SPATA22: variants seen among roughly 807,000 people sequenced by gnomAD.
The protein encoded by SPATA22 is spermatogenesis associated 22, also known as spermatogenesis-associated protein 22.
Under a neutral mutation model 47.8 loss-of-function variants are expected in SPATA22, and 29 were observed. The ratio of observed to expected loss-of-function variants is 0.61; its 90% confidence interval spans 0.45 to 0.83. SPATA22 has a LOEUF of 0.83. Among genes scored for constraint, SPATA22 ranks in the 40% least tolerant of loss-of-function variants. SPATA22 has a pLI of 0.00. For missense variants in SPATA22, 410 were observed against 421.7 expected (o/e 0.97, Z 0.24); for synonymous variants, 133 against 140.9 (o/e 0.94, Z 0.40).
intron 1 of SPATA22, chr17:3,502,277 A>C (rs1055547446): frequency 3.3e-5 from 5 of 152,246 alleles, no homozygotes; most frequent in African/African-American, 1.2e-4. Flanking sequence ...CACATTTAAC[A>C]TACTACATAT....
At chr17:3,507,831 G>C (rs996872576) in intron 1 of SPATA22, among the ~76,000 whole-genome samples, 4 of 152,144 alleles carry the variant, frequency 2.6e-5, no homozygotes, top group African/African-American at 9.7e-5. Flanking sequence ...AGAGTATCAA[G>C]AACCATAAAA....
chr17:3,460,855 CAACTGAGATGTCTT>C (rs1183321466), intron 5 of SPATA22, among the ~76,000 whole-genome samples: 1 of 150,428 alleles, frequency 6.6e-6, no homozygotes, highest in Non-Finnish European at 1.5e-5. Context: ...CTCAACTCCT[CAACTGAGATGTCTT>C]AACTACTAAA....
In SPATA22 at chr17:3,513,684, A is replaced by AG. The variant is rs2074143127; in HGVS notation, c.-347dup. On this transcript the variant is annotated 5_prime_UTR_variant, in exon 1 of 9. Transcript: ENST00000541913. Reference sequence around the variant, plus strand: ...CAGGCTCCAGACTGCTGCTGGCTGTAGGTTTACACCAGCTGTTTGCCAAGT... The same window carrying AG: ...CAGGCTCCAGACTGCTGCTGGCTGTAGGGTTTACACCAGCTGTTTGCCAAGT... 6.7e-6 allele frequency: 3 copies of AG among 448,234 alleles called. No individual in the cohort carries two copies. In the South Asian group the frequency reaches 1.5e-4, roughly 22 times the overall value. 27.8% of individuals were successfully genotyped at this position (448,234 alleles called of 1,614,324 possible).
At chr17:3,503,391 T>G (rs2074012395) in intron 1 of SPATA22, 1 of 152,204 alleles carries the variant, frequency 6.6e-6, no homozygotes, top group Admixed American at 6.5e-5. Context: ...TGGAATAAAC[T>G]CTCTTCCTTC....
chr17:3,482,255 G>C (rs1261641273), intron 1 of SPATA22, among the ~76,000 whole-genome samples: 1 of 152,122 alleles, frequency 6.6e-6, no homozygotes, highest in Non-Finnish European at 1.5e-5. Flanking sequence ...CTTTAACGTA[G>C]ACTAAAGCCC....
chr17:3,480,891 T>C (rs959947331), intron 1 of SPATA22, among the ~76,000 whole-genome samples: 1 of 152,206 alleles, frequency 6.6e-6, no homozygotes, highest in Non-Finnish European at 1.5e-5. Context: ...GTCTCAGTTA[T>C]AATTTTTGCA....
intron 1 of SPATA22, chr17:3,494,554 C>A: frequency 2.0e-6 from 2 of 991,968 alleles, no homozygotes; most frequent in Non-Finnish European, 1.6e-6. Flanking sequence ...GTACATTCGC[C>A]CATTTGATGC....
At chr17:3,469,199 A>C in intron 2 of SPATA22, 84 bp downstream of exon 2, 1 of 651,002 alleles carries the variant, frequency 1.5e-6, no homozygotes, top group Non-Finnish European at 2.5e-6. Context: ...ATCTATTTTA[A>C]ATTTATTTCC....
intron 1 of SPATA22, among the ~76,000 whole-genome samples, chr17:3,487,688 T>G (rs2073750257): frequency 6.6e-6 from 1 of 152,192 alleles, no homozygotes; most frequent in Non-Finnish European, 1.5e-5. Flanking sequence ...TAAAGATTCC[T>G]TCATTCTTAA....
At chr17:3,463,348 A>G (rs2073174124) in intron 3 of SPATA22, among the ~76,000 whole-genome samples, 1 of 152,318 alleles carries the variant, frequency 6.6e-6, no homozygotes, top group South Asian at 2.1e-4. Flanking sequence ...CACCTAGGCT[A>G]TATGTTACAG....
At position 3,462,709 on chromosome 17, in the gene SPATA22, G is replaced by T; in HGVS notation, c.231C>A (p.Thr77=). 1 of 1,611,376 alleles carries T rather than the reference G, an allele frequency of 6.2e-7. No homozygotes were observed. Among genetic ancestry groups the T allele is most frequent in the Non-Finnish European group, 8.5e-7 (1 of 1,177,536 alleles). ...ATGGTTTATATTTCTCCACATACCCGGTGTCCACTGTTTTCATTACAGGAG... is the reference window on the plus strand; with the variant it reads ...ATGGTTTATATTTCTCCACATACCCTGTGTCCACTGTTTTCATTACAGGAG... ...ELAPVMKTVD[T]GQIPHSVSRP... The change falls in exon 4 of 9, where the codon ACC becomes ACA. Residue 77 remains threonine, a splice_region_variant and synonymous_variant. Coordinates refer to ENST00000572969, the MANE Select transcript of SPATA22 (RefSeq NM_001170698.2).
chr17:3,504,447 C>T (rs1165812294), intron 1 of SPATA22, among the ~76,000 whole-genome samples: 1 of 151,388 alleles, frequency 6.6e-6, no homozygotes, highest in Non-Finnish European at 1.5e-5. Flanking sequence ...TGAAACACTT[C>T]GTTTTACACC....
chr17:3,470,761 GA>G (rs11339644), intron 1 of SPATA22, among the ~76,000 whole-genome samples: 49,766 of 140,246 alleles, frequency 0.35, 10,475 homozygotes, highest in Non-Finnish European at 0.5. Flanking sequence ...AAAAAAAAAA[GA>G]AAAAAAAACA....
At chr17:3,512,645 G>C (rs2074128477) in intron 1 of SPATA22, 1 of 151,984 alleles carries the variant, frequency 6.6e-6, no homozygotes, top group African/African-American at 2.4e-5. Flanking sequence ...TTCGGCCCCA[G>C]TCACCTGGAA....
At chr17:3,497,375 TAAA>T (rs2073927022) in intron 1 of SPATA22, among the ~76,000 whole-genome samples, 1 of 152,074 alleles carries the variant, frequency 6.6e-6, no homozygotes, top group Non-Finnish European at 1.5e-5. Flanking sequence ...CAGTGAACTA[TAAA>T]TGGGTAGCAT....
chr17:3,498,806 A>G, intron 1 of SPATA22: 1 of 1,255,410 alleles, frequency 8.0e-7, no homozygotes, highest in South Asian at 1.9e-5. Flanking sequence ...GAATACTGTA[A>G]TTTGTTAGTT....
intron 3 of SPATA22, among the ~76,000 whole-genome samples, chr17:3,463,987 G>A (rs1275176613): frequency 8.4e-5 from 5 of 59,666 alleles, no homozygotes; most frequent in Non-Finnish European, 1.9e-4. Context: ...CTCTCCCCAC[G>A]GTCTCCCTCT....
At chr17:3,505,994 G>A (rs1045483461) in intron 1 of SPATA22, among the ~76,000 whole-genome samples, 10 of 152,114 alleles carry the variant, frequency 6.6e-5, no homozygotes, top group Non-Finnish European at 1.5e-4. Context: ...CTGACCTCAG[G>A]TGATCCGCCC....
chr17:3,506,938 C>T lies in SPATA22; in HGVS notation c.-74+6474G>A, dbSNP rs549614304. On this transcript the variant is annotated intron_variant, in intron 1 of 8. Transcript: ENST00000541913. ...CCTGGGTGACAAGGCAAGACTCTGT[C>T]GGAAAGACAGAAAAAGAGAGAGAGA... 1.5e-4 allele frequency among the ~76,000 whole-genome samples: 19 copies of T among 127,394 alleles called. No homozygotes were observed. The East Asian group carries it at 3.7e-3, about 25-fold the overall frequency. The allele number at this position is 127,394 out of a possible 152,430, so 83.6% of individuals were successfully genotyped here. A position where few individuals can be genotyped will look rare whatever the true frequency, so the allele number is the denominator to read the frequency against.
Sources: gnomAD v4.1 joint callset for allele counts (sites outside exome capture counted in the v4.1 genomes callset) on GRCh38, gnomAD v4.1.1 for gene constraint, MANE v1.5 for transcripts, NCBI Gene and HGNC (gene_info 2026-07-23, HGNC 2026-07-21) for gene names.